Variants in CEP192 observed in about 807,000 individuals in gnomAD.
CEP192 encodes centrosomal protein of 192 kDa.
A neutral mutation model predicts 271.8 loss-of-function variants in CEP192; 151 were observed. That is an observed-to-expected ratio of 0.56 (90% CI 0.49 to 0.64). The LOEUF is 0.64. Among genes scored for constraint, CEP192 ranks in the 30% least tolerant of loss-of-function variants. The pLI is 0.00. For synonymous variants in CEP192, 995 were observed against 1,076.5 expected, an observed-to-expected ratio of 0.92 and a Z score of 1.48; for missense variants, 2,910 against 3,020.5, an observed-to-expected ratio of 0.96 and a Z score of 0.86.
chr18:13,112,951 A>G (rs2040268754), intron 40 of CEP192, among the ~76,000 whole-genome samples: 1 of 152,240 alleles, frequency 6.6e-6, no homozygotes, highest in East Asian at 1.9e-4. Context: ...AATATTGGTA[A>G]TTGTTATAAA....
chr18:13,017,069 AAAG>A (rs1299744566), intron 6 of CEP192, 116 bp from the exon 7 acceptor site: 9 of 713,134 alleles, frequency 1.3e-5, no homozygotes, highest in Non-Finnish European at 1.8e-5. Flanking sequence ...GTCAAACAAA[AAAG>A]ACACCAAAAT....
rs1268130891 is a variant in CEP192, at chr18:13,069,764, A to G, written c.5082A>G (p.Ser1694=). 1.3e-6 allele frequency: 2 copies of G among 1,589,630 alleles called. No homozygotes were observed. Among genetic ancestry groups the G allele is most frequent in the African/African-American group, 2.7e-5 (2 of 73,924 alleles). ...TCCCAGAACAAGGAAGTCACTTTTCAGTGGATCCAAAGAATCTACTCCTTA... is the reference window on the plus strand; with the variant it reads ...TCCCAGAACAAGGAAGTCACTTTTCGGTGGATCCAAAGAATCTACTCCTTA... ...IKVPEQGSHF[S]VDPKNLLLKP... is the part of the protein sequence containing the mutation. Residue 1694 remains serine (S), a synonymous_variant, in exon 27 of 45, where the codon TCA becomes TCG. Coordinates refer to ENST00000506447, the MANE Select transcript of CEP192 (RefSeq NM_032142.4).
In CEP192 at chr18:13,056,382, G is replaced by A. The variant is rs546519115; in HGVS notation, c.3792G>A (p.Arg1264=). The stretch of plus-strand genomic sequence containing the variant: ...TCAGCGCTGCTCCTTTTGCTCAGCG[G>A]TATTTGGGAACACTCCCTTCAACTG... ...PSLSAAPFAQ[R]YLGTLPSTGS... The change falls in exon 19 of 45, where the codon CGG becomes CGA. Residue 1264 remains arginine, a synonymous_variant. Coordinates refer to ENST00000506447, the MANE Select transcript of CEP192 (RefSeq NM_032142.4). The A allele has an allele frequency of 6.2e-6, 10 of 1,614,108 alleles. No individual in the cohort carries two copies. Among genetic ancestry groups the A allele is most frequent in the Non-Finnish European group, 5.1e-6 (6 of 1,180,056 alleles).
intron 40 of CEP192, among the ~76,000 whole-genome samples, chr18:13,113,082 A>C (rs1345243550): frequency 6.6e-6 from 1 of 152,240 alleles, no homozygotes; most frequent in Non-Finnish European, 1.5e-5. Context: ...TTTGGAAGCT[A>C]ATCATAATGC....
intron 36 of CEP192, among the ~76,000 whole-genome samples, chr18:13,097,429 CT>C (rs2039454018): frequency 6.6e-6 from 1 of 152,042 alleles, no homozygotes; most frequent in African/African-American, 2.4e-5. Flanking sequence ...ACGTTTTTTT[CT>C]TCATTTCTTC....
At chr18:13,105,224 T>TAA (rs996586166) in intron 40 of CEP192, 145 bp downstream of exon 40, 2 of 658,196 alleles carry the variant, frequency 3.0e-6, no homozygotes, top group Non-Finnish European at 5.4e-6. Flanking sequence ...CTGCCTCACT[T>TAA]ACAATGCGCT....
At chr18:13,114,104 C>T (rs779688322) in intron 41 of CEP192, 26 bp from the exon 42 acceptor site, 25 of 1,595,984 alleles carry the variant, frequency 1.6e-5, no homozygotes, top group African/African-American at 6.8e-5. Context: ...ATTTCTTCTC[C>T]GTTACCCTGT....
At chr18:13,074,450 G>A (rs143715103) in intron 30 of CEP192, among the ~76,000 whole-genome samples, 127 of 152,290 alleles carry the variant, frequency 8.3e-4, no homozygotes, top group African/African-American at 3.0e-3. Context: ...TAAATGGGCT[G>A]TATTTTTCAG....
At chr18:13,106,348 G>A (rs1409284926) in intron 40 of CEP192, among the ~76,000 whole-genome samples, 1 of 147,582 alleles carries the variant, frequency 6.8e-6, no homozygotes, top group Non-Finnish European at 1.5e-5. Flanking sequence ...TCTGCACAAT[G>A]TTCAGTGACA....
chr18:13,111,844 C>T (rs2040223966), intron 40 of CEP192, among the ~76,000 whole-genome samples: 1 of 152,146 alleles, frequency 6.6e-6, no homozygotes, highest in South Asian at 2.1e-4. Flanking sequence ...AGAAAACATA[C>T]AAGTGGTCAA....
At chr18:12,999,304 A>G in intron 1 of CEP192, 117 bp from the exon 2 acceptor site, 1 of 730,616 alleles carries the variant, frequency 1.4e-6, no homozygotes, top group Non-Finnish European at 2.1e-6. Context: ...CCCCTTACTA[A>G]TGCTAAAAAA....
rs143789078 is a variant in CEP192 at position 13,072,831 on chromosome 18, C to G, written c.5425C>G (p.Gln1809Glu). 14 of 1,610,800 alleles carry G rather than the reference C, an allele frequency of 8.7e-6. No individual in the cohort carries two copies. The highest frequency in any genetic ancestry group is 9.3e-6 in the Non-Finnish European group (11 of 1,176,936). The change falls in exon 29 of 45, where the codon CAG (glutamine) becomes GAG (glutamate). Residue 1809 changes from glutamine (Q) to glutamate (E), a missense_variant. Coordinates refer to ENST00000506447, the MANE Select transcript of CEP192 (RefSeq NM_032142.4). ...ACGACTGCTTATTAGAGGACAAGAT[C>G]AGGACTGCTTTCAGGTTCGTAGAGT... ...HLRLLIRGQD[Q>E]DCFQLQNTFG...
chr18:13,021,059 T>A (rs2034962196), intron 9 of CEP192, among the ~76,000 whole-genome samples: 2 of 152,142 alleles, frequency 1.3e-5, no homozygotes, highest in East Asian at 3.9e-4. Flanking sequence ...CGTGCAAAAA[T>A]TTTAAATTAT....
At chr18:13,065,600 A>G (rs1399848267) in intron 21 of CEP192, among the ~76,000 whole-genome samples, 2 of 152,212 alleles carry the variant, frequency 1.3e-5, no homozygotes, top group South Asian at 2.1e-4. Flanking sequence ...TACTATTCCT[A>G]TGCAGCTCTA....
intron 30 of CEP192, among the ~76,000 whole-genome samples, chr18:13,079,507 G>C (rs1052486076): frequency 6.6e-6 from 1 of 151,974 alleles, no homozygotes; most frequent in African/African-American, 2.4e-5. Context: ...TTGTAAATTT[G>C]TTCAAGTTCT....
At chr18:13,002,813 A>G (rs904439865) in intron 3 of CEP192, among the ~76,000 whole-genome samples, 3 of 152,226 alleles carry the variant, frequency 2.0e-5, no homozygotes, top group African/African-American at 7.2e-5. Context: ...TTGCGTATTT[A>G]TGGGATTGAA....
At chr18:13,020,838 C>T (rs2034949434) in intron 9 of CEP192, among the ~76,000 whole-genome samples, 1 of 152,140 alleles carries the variant, frequency 6.6e-6, no homozygotes, top group African/African-American at 2.4e-5. Flanking sequence ...TGATATTGAA[C>T]ATCTTTTTAT....
intron 11 of CEP192, among the ~76,000 whole-genome samples, chr18:13,034,859 C>T (rs977670705): frequency 6.6e-6 from 1 of 151,760 alleles, no homozygotes; most frequent in African/African-American, 2.4e-5. Flanking sequence ...TCTTCTTCCC[C>T]ATGCCTGCCT....
chr18:13,057,905 A>C, intron 20 of CEP192, 172 bp downstream of exon 20: 1 of 421,218 alleles, frequency 2.4e-6, no homozygotes, highest in Non-Finnish European at 4.1e-6. Context: ...TAGAGTGTAA[A>C]GTGAAACAGT....
Sources: allele counts gnomAD v4.1 joint callset (sites outside exome capture counted in the v4.1 genomes callset), GRCh38; gene constraint gnomAD v4.1.1; transcripts MANE v1.5; gene names NCBI Gene and HGNC (gene_info 2026-07-23, HGNC 2026-07-21).